The following PCDHAC1 variants were observed in gnomAD, a reference collection of about 807,000 sequenced individuals.
The protein encoded by PCDHAC1 is protocadherin alpha subfamily C, 1, also known as protocadherin alpha-C1.
Under a neutral mutation model 60.0 loss-of-function variants are expected in PCDHAC1, and 42 were observed. The observed-to-expected ratio is 0.70, with a 90% CI of 0.55 to 0.90. The LOEUF (loss-of-function observed/expected upper bound fraction) is 0.90, where lower values mean the gene tolerates loss of function less well. PCDHAC1 is among the 40% of genes least tolerant of loss of function. The probability of loss-of-function intolerance (pLI) is 0.00; values close to 1 mark genes in which losing one functional copy is unlikely to be tolerated. For synonymous variants in PCDHAC1, 468 were observed against 499.3 expected, an observed-to-expected ratio of 0.94 and a Z score of 0.84; for missense variants, 1,160 against 1,222.3, an observed-to-expected ratio of 0.95 and a Z score of 0.76.
chr5:140,964,579 G>A (rs2095841483), intron 1 of PCDHAC1, among the ~76,000 whole-genome samples: 1 of 152,090 alleles, frequency 6.6e-6, no homozygotes, highest in Non-Finnish European at 1.5e-5. Flanking sequence ...ATAAGGGGAG[G>A]AAAGATCACT....
At chr5:140,954,948 G>A (rs1163066790) in intron 1 of PCDHAC1, among the ~76,000 whole-genome samples, 2 of 152,204 alleles carry the variant, frequency 1.3e-5, no homozygotes, top group Non-Finnish European at 1.5e-5. Flanking sequence ...GTTAATTTTT[G>A]TATAAGATGT....
intron 1 of PCDHAC1, among the ~76,000 whole-genome samples, chr5:140,936,526 C>T (rs183606913): frequency 6.6e-6 from 1 of 152,302 alleles, no homozygotes; most frequent in East Asian, 1.9e-4. Flanking sequence ...CCTGAAATTG[C>T]TTTTGAATAT....
intron 1 of PCDHAC1, chr5:140,966,387 C>G: frequency 2.5e-6 from 1 of 405,008 alleles, no homozygotes. Context: ...GGTTCGCTGT[C>G]CGCCACTTCG....
chr5:140,970,912 T>C (rs1035265875), intron 1 of PCDHAC1, among the ~76,000 whole-genome samples: 3 of 152,212 alleles, frequency 2.0e-5, no homozygotes, highest in Non-Finnish European at 2.9e-5. Flanking sequence ...TTTATTCATT[T>C]ATCAGAAGTG....
chr5:141,004,608 T>A (rs2153981502), intron 3 of PCDHAC1, among the ~76,000 whole-genome samples: 1 of 152,348 alleles, frequency 6.6e-6, no homozygotes, highest in African/African-American at 2.4e-5. Flanking sequence ...TTAGGCCTCA[T>A]GCAGAGTCCT....
chr5:140,997,559 T>A (rs550494855), intron 3 of PCDHAC1, among the ~76,000 whole-genome samples: 2 of 152,148 alleles, frequency 1.3e-5, no homozygotes, highest in South Asian at 4.1e-4. Flanking sequence ...ACAGGACAAC[T>A]GTCATATGTG....
At chr5:140,977,246 C>T (rs939682133) in intron 1 of PCDHAC1, among the ~76,000 whole-genome samples, 1 of 152,172 alleles carries the variant, frequency 6.6e-6, no homozygotes, top group Non-Finnish European at 1.5e-5. Flanking sequence ...AAATTGGCAA[C>T]ATTTCTCAGC....
At position 140,972,813 on chromosome 5, in the gene PCDHAC1, G is replaced by A. The variant is rs559474622; in HGVS notation, c.2434-6136G>A. Reference sequence around the variant, plus strand: ...TGAGTAGCTGAGATTACAGGCACGCGCCACCACGCCTGGCTAATTTTTGTA... The same window carrying A: ...TGAGTAGCTGAGATTACAGGCACGCACCACCACGCCTGGCTAATTTTTGTA... On this transcript the variant is annotated intron_variant, in intron 1 of 3. Transcript: ENST00000253807. Among the ~76,000 whole-genome samples, 11 of 151,984 alleles carry A rather than the reference G, an allele frequency of 7.2e-5. No individual in the cohort carries two copies. In the East Asian group the frequency reaches 1.2e-3, roughly 16 times the overall value.
At chr5:140,996,968 C>G (rs1290343779) in intron 3 of PCDHAC1, among the ~76,000 whole-genome samples, 1 of 152,132 alleles carries the variant, frequency 6.6e-6, no homozygotes, top group Non-Finnish European at 1.5e-5. Context: ...CAATCCCACT[C>G]CCCTTTGGTG....
At chr5:141,000,422 T>TATC (rs1491457105) in intron 3 of PCDHAC1, among the ~76,000 whole-genome samples, 2 of 51,852 alleles carry the variant, frequency 3.9e-5, no homozygotes, top group African/African-American at 1.7e-4. Context: ...TATATATATA[T>TATC]TTTTTTTTTT....
intron 1 of PCDHAC1, among the ~76,000 whole-genome samples, chr5:140,941,214 C>CCTTTCTTTCTTCCTTT (rs2092876516): frequency 8.2e-6 from 1 of 122,414 alleles, no homozygotes; most frequent in Non-Finnish European, 1.7e-5. Context: ...TTTCTTTCTT[C>CCTTTCTTTCTTCCTTT]CTTTCTTTCT....
In PCDHAC1 at chr5:140,927,607, C is replaced by G. The variant is rs558609705; in HGVS notation, c.715C>G (p.Arg239Gly). The change falls in exon 1 of 4, where the codon CGC becomes GGC. Residue 239 changes from arginine to glycine, a missense_variant. Physicochemically the swap from Arg to Gly is moderately radical, Grantham distance 125. Transcript: ENST00000253807. ...GCCTGTATTTGAGCGCTCCGTATACCGCACCAAGGTTCCAGAGACTGCACC... is the reference window on the plus strand; with the variant it reads ...GCCTGTATTTGAGCGCTCCGTATACGGCACCAAGGTTCCAGAGACTGCACC... The part of the protein sequence containing the change: ...NAPVFERSVY[R>G]TKVPETAPNG... 1.5e-5 allele frequency: 24 copies of G among 1,614,180 alleles called. 1 individual carries two copies. In the South Asian group the frequency reaches 2.6e-4, roughly 18 times the overall value.
chr5:140,999,801 G>T (rs1271249129), intron 3 of PCDHAC1, among the ~76,000 whole-genome samples: 1 of 152,112 alleles, frequency 6.6e-6, no homozygotes, highest in Admixed American at 6.5e-5. Flanking sequence ...GTTATTTTGG[G>T]CACAAAGCAA....
In PCDHAC1 at chr5:140,967,951, C is replaced by G. The variant is rs150201840; in HGVS notation, c.2434-10998C>G. On this transcript the variant is annotated intron_variant, in intron 1 of 3. Transcript: ENST00000253807. ...TCAGTGTCAATGACCAAGACTCAGG[C>G]CCCAACCGGAAAGTGAGCCTGGGTC... 6 of 1,614,078 alleles carry G rather than the reference C, an allele frequency of 3.7e-6. No homozygotes were observed. The African/African-American group carries it at 6.7e-5, about 18-fold the overall frequency.
intron 1 of PCDHAC1, chr5:140,968,987 T>C: frequency 6.2e-7 from 1 of 1,614,224 alleles, no homozygotes; most frequent in Non-Finnish European, 8.5e-7. Context: ...TGGCACTGCA[T>C]GCTGTGGAGG....
Position 141,012,063 on chromosome 5 carries a change from T to C in PCDHAC1, c.*2126T>C, listed in dbSNP as rs948658172. ...TGGGGTAAAACTTGTTACCAACACATGTGAACCATTGCTACATTGTAGGTT... is the reference window on the plus strand; with the variant it reads ...TGGGGTAAAACTTGTTACCAACACACGTGAACCATTGCTACATTGTAGGTT... On this transcript the variant is annotated 3_prime_UTR_variant, in exon 4 of 4. Transcript: ENST00000253807. The C allele has an allele frequency of 1.3e-5, 2 of 153,778 alleles. No individual in the cohort carries two copies. The highest frequency in any genetic ancestry group is 3.8e-4 in the East Asian group (2 of 5,196). The allele number at this position is 153,778 out of a possible 1,614,324, so 9.5% of individuals were successfully genotyped here. A position where few individuals can be genotyped will look rare whatever the true frequency, so the allele number is the denominator to read the frequency against.
At chr5:140,951,766 C>T (rs372624744) in intron 1 of PCDHAC1, among the ~76,000 whole-genome samples, 78 of 152,240 alleles carry the variant, frequency 5.1e-4, no homozygotes, top group African/African-American at 1.6e-3. Context: ...AATCTCATGA[C>T]GTTCTTACAT....
intron 1 of PCDHAC1, chr5:140,966,857 C>A: frequency 6.3e-7 from 1 of 1,575,742 alleles, no homozygotes; most frequent in Non-Finnish European, 8.6e-7. Flanking sequence ...TCTCCTGCTG[C>A]TGTTGCTGCT....
intron 1 of PCDHAC1, among the ~76,000 whole-genome samples, chr5:140,953,432 C>T (rs1292809968): frequency 6.6e-6 from 1 of 152,108 alleles, no homozygotes; most frequent in Non-Finnish European, 1.5e-5. Context: ...TGTCCTTAAG[C>T]TGGAGAAACT....
Sources: allele counts gnomAD v4.1 joint callset (sites outside exome capture counted in the v4.1 genomes callset), GRCh38; gene constraint gnomAD v4.1.1; transcripts MANE v1.5; gene names NCBI Gene and HGNC (gene_info 2026-07-23, HGNC 2026-07-21).